ST6GALNAC5: variants seen among roughly 807,000 people sequenced by gnomAD.
The protein encoded by ST6GALNAC5 is alpha-N-acetylgalactosaminide alpha-2,6-sialyltransferase 5.
Under a neutral mutation model 33.6 loss-of-function variants are expected in ST6GALNAC5, and 27 were observed. The ratio of observed to expected loss-of-function variants is 0.80; its 90% confidence interval spans 0.59 to 1.11. ST6GALNAC5 has a LOEUF of 1.11. ST6GALNAC5 is among the 50% of genes least tolerant of loss of function. The probability of loss-of-function intolerance (pLI) is 0.00; values close to 1 mark genes in which losing one functional copy is unlikely to be tolerated. For missense variants in ST6GALNAC5, 428 were observed against 454.0 expected (o/e 0.94, Z 0.52); for synonymous variants, 194 against 171.2 (o/e 1.13, Z -1.04).
intron 2 of ST6GALNAC5, among the ~76,000 whole-genome samples, chr1:77,009,831 C>G (rs1245299255): frequency 6.6e-6 from 1 of 152,134 alleles, no homozygotes; most frequent in African/African-American, 2.4e-5. Flanking sequence ...TGCCAATTTC[C>G]TCTTTTATGG....
chr1:76,990,039 A>G (rs1649663328), intron 2 of ST6GALNAC5, among the ~76,000 whole-genome samples: 1 of 152,196 alleles, frequency 6.6e-6, no homozygotes, highest in Non-Finnish European at 1.5e-5. Flanking sequence ...TTTAGGATAA[A>G]TACTTAAAAG....
chr1:76,976,478 T>TA (rs1413369964), intron 2 of ST6GALNAC5, among the ~76,000 whole-genome samples: 1 of 152,142 alleles, frequency 6.6e-6, no homozygotes, highest in Non-Finnish European at 1.5e-5. Flanking sequence ...CAGAAAATGT[T>TA]AAAAAATCAC....
chr1:77,000,618 G>C (rs1322476953), intron 2 of ST6GALNAC5, among the ~76,000 whole-genome samples: 1 of 150,446 alleles, frequency 6.6e-6, no homozygotes. Context: ...GGTTTTTATG[G>C]TTTTAGGTCT....
intron 2 of ST6GALNAC5, among the ~76,000 whole-genome samples, chr1:77,039,012 A>G (rs1651748745): frequency 6.6e-6 from 1 of 152,204 alleles, no homozygotes; most frequent in Non-Finnish European, 1.5e-5. Context: ...CAAATACTTA[A>G]AATTACCAAA....
chr1:76,939,026 T>C (rs1647262888), intron 2 of ST6GALNAC5, among the ~76,000 whole-genome samples: 1 of 152,098 alleles, frequency 6.6e-6, no homozygotes, highest in Non-Finnish European at 1.5e-5. Flanking sequence ...GCAGCAAACC[T>C]TTCCTCCAGG....
At chr1:77,014,417 T>G (rs1650748596) in intron 2 of ST6GALNAC5, among the ~76,000 whole-genome samples, 1 of 152,140 alleles carries the variant, frequency 6.6e-6, no homozygotes, top group South Asian at 2.1e-4. Flanking sequence ...AGATTAAGTG[T>G]AGCTCTTCTG....
At chr1:77,012,086 A>G (rs940166304) in intron 2 of ST6GALNAC5, among the ~76,000 whole-genome samples, 8 of 152,190 alleles carry the variant, frequency 5.3e-5, no homozygotes, top group Non-Finnish European at 1.0e-4. Context: ...ACTTTTAACT[A>G]CCACACTGTG....
chr1:77,064,352 C>A lies in ST6GALNAC5; in HGVS notation c.*1146C>A, dbSNP rs955601702. On this transcript the variant is annotated 3_prime_UTR_variant, in exon 5 of 5. Coordinates refer to ENST00000477717, the MANE Select transcript of ST6GALNAC5 (RefSeq NM_030965.3). ...GTGTCCACATGGGCTAAAATCTACC[C>A]CCTGCTTCTCTCGAAGCATCACCAT... 6.6e-6 allele frequency: 1 copy of A among 152,120 alleles called. No individual in the cohort carries two copies. 9.4% of individuals were successfully genotyped at this position (152,120 alleles called of 1,614,324 possible). A position where few individuals can be genotyped will look rare whatever the true frequency, so the allele number is the denominator to read the frequency against.
intron 2 of ST6GALNAC5, among the ~76,000 whole-genome samples, chr1:76,965,221 C>T (rs908603904): frequency 6.6e-6 from 1 of 150,774 alleles, no homozygotes; most frequent in Non-Finnish European, 1.5e-5. Flanking sequence ...TACCACCCCC[C>T]CCACCAACAG....
At chr1:76,945,406 C>T (rs1331329925) in intron 2 of ST6GALNAC5, among the ~76,000 whole-genome samples, 1 of 151,978 alleles carries the variant, frequency 6.6e-6, no homozygotes, top group African/African-American at 2.4e-5. Flanking sequence ...ACAAAAAATG[C>T]TTTGGGCATG....
At chr1:77,006,321 A>ATTTT (rs71075723) in intron 2 of ST6GALNAC5, among the ~76,000 whole-genome samples, 7 of 92,828 alleles carry the variant, frequency 7.5e-5, no homozygotes, top group African/African-American at 3.0e-4. Context: ...CACCCGGCTA[A>ATTTT]TTTTTTTTTT....
chr1:76,910,095 A>G (rs1646896704), intron 2 of ST6GALNAC5, among the ~76,000 whole-genome samples: 1 of 152,032 alleles, frequency 6.6e-6, no homozygotes, highest in South Asian at 2.1e-4. Context: ...TCCCAGTGTA[A>G]CATGTTTCAA....
intron 2 of ST6GALNAC5, among the ~76,000 whole-genome samples, chr1:76,975,602 T>C (rs1648978113): frequency 6.6e-6 from 1 of 152,198 alleles, no homozygotes; most frequent in Non-Finnish European, 1.5e-5. Context: ...TATAAACATA[T>C]GTAGCAAGGT....
chr1:76,968,482 A>T (rs973644525), intron 2 of ST6GALNAC5, among the ~76,000 whole-genome samples: 1 of 152,150 alleles, frequency 6.6e-6, no homozygotes, highest in Non-Finnish European at 1.5e-5. Flanking sequence ...GTCTCTGCAC[A>T]TGAGATGGGT....
intron 2 of ST6GALNAC5, among the ~76,000 whole-genome samples, chr1:76,937,605 C>T (rs989092618): frequency 8.6e-5 from 13 of 152,012 alleles, no homozygotes; most frequent in Non-Finnish European, 1.6e-4. Flanking sequence ...AAAATGGATG[C>T]AGTCAGCTGG....
At chr1:76,937,116 A>G (rs1190931539) in intron 2 of ST6GALNAC5, among the ~76,000 whole-genome samples, 1 of 152,010 alleles carries the variant, frequency 6.6e-6, no homozygotes, top group African/African-American at 2.4e-5. Context: ...GTGATAGAAT[A>G]TAGGTCTGTT....
intron 2 of ST6GALNAC5, among the ~76,000 whole-genome samples, chr1:77,037,950 C>T (rs1415441578): frequency 1.3e-5 from 2 of 152,196 alleles, no homozygotes; most frequent in Non-Finnish European, 2.9e-5. Flanking sequence ...TGCACCATTA[C>T]TTGAGATGGC....
At chr1:77,050,417 T>A in intron 4 of ST6GALNAC5, 52 bp downstream of exon 4, 1 of 1,521,174 alleles carries the variant, frequency 6.6e-7, no homozygotes. Flanking sequence ...GCAGGATTTA[T>A]AAATATCTGA....
intron 4 of ST6GALNAC5, among the ~76,000 whole-genome samples, chr1:77,058,912 T>C (rs1209877934): frequency 6.6e-6 from 1 of 152,162 alleles, no homozygotes; most frequent in Non-Finnish European, 1.5e-5. Flanking sequence ...GATGAGGATG[T>C]AAAGGAGATC....
Sources: gnomAD v4.1 joint callset for allele counts (sites outside exome capture counted in the v4.1 genomes callset) on GRCh38, gnomAD v4.1.1 for gene constraint, MANE v1.5 for transcripts, NCBI Gene and HGNC (gene_info 2026-07-23, HGNC 2026-07-21) for gene names.